ANKRD31: variants seen among roughly 807,000 people sequenced by gnomAD.
ANKRD31 encodes ankyrin repeat domain 31.
ANKRD31 carries 147 observed loss-of-function variants against 186.0 expected under a neutral mutation model. That is an observed-to-expected ratio of 0.79 (90% confidence interval 0.69 to 0.91). The LOEUF (loss-of-function observed/expected upper bound fraction) is 0.91, where lower values mean the gene tolerates loss of function less well. Among genes scored for constraint, ANKRD31 ranks in the 40% least tolerant of loss-of-function variants. The pLI, the probability that ANKRD31 is intolerant of heterozygous loss-of-function variation, is 0.00. For synonymous variants in ANKRD31, 673 were observed against 736.4 expected (o/e 0.91, Z 1.39); for missense variants, 1,986 against 2,148.8 (o/e 0.92, Z 1.50).
At chr5:75,183,293 T>A (rs1408906809) in intron 10 of ANKRD31, among the ~76,000 whole-genome samples, 1 of 152,172 alleles carries the variant, frequency 6.6e-6, no homozygotes, top group Non-Finnish European at 1.5e-5. Flanking sequence ...GCTTTATTTT[T>A]ACCCATAGCT....
chr5:75,103,097 T>C (rs774451804), intron 22 of ANKRD31, among the ~76,000 whole-genome samples: 1 of 152,178 alleles, frequency 6.6e-6, no homozygotes, highest in Non-Finnish European at 1.5e-5. Flanking sequence ...AATTTTTGTA[T>C]AAGGTGTAAG....
intron 22 of ANKRD31, among the ~76,000 whole-genome samples, chr5:75,097,395 T>C (rs1013418683): frequency 6.6e-6 from 1 of 152,258 alleles, no homozygotes; most frequent in African/African-American, 2.4e-5. Flanking sequence ...TTGATTTTCA[T>C]TTCTCTGATG....
intron 23 of ANKRD31, among the ~76,000 whole-genome samples, chr5:75,085,999 C>T (rs1745454641): frequency 6.6e-6 from 1 of 152,172 alleles, no homozygotes; most frequent in African/African-American, 2.4e-5. Flanking sequence ...TCAATCCCTT[C>T]TCACTTGCCA....
intron 5 of ANKRD31, among the ~76,000 whole-genome samples, chr5:75,200,297 C>CTTTT (rs373390533): frequency 4.9e-5 from 7 of 144,112 alleles, no homozygotes; most frequent in East Asian, 2.1e-4. Context: ...TTCTTTCTTT[C>CTTTT]TTTTTTTTTT....
At chr5:75,178,583 C>G in intron 10 of ANKRD31, among the ~76,000 whole-genome samples, 1 of 152,132 alleles carries the variant, frequency 6.6e-6, no homozygotes, top group East Asian at 1.9e-4. Flanking sequence ...AAGAAACTCA[C>G]TCAAAACTGC....
At chr5:75,107,662 A>C in intron 20 of ANKRD31, 45 bp from the exon 21 acceptor site, 2 of 1,236,230 alleles carry the variant, frequency 1.6e-6, no homozygotes, top group East Asian at 2.6e-5. Context: ...GGGAGAGTGA[A>C]TGTCAAATTT....
intron 5 of ANKRD31, among the ~76,000 whole-genome samples, chr5:75,199,878 A>G (rs1388476387): frequency 6.6e-6 from 1 of 152,202 alleles, no homozygotes; most frequent in Non-Finnish European, 1.5e-5. Flanking sequence ...CTTAAAAAAT[A>G]TTTTATATAG....
intron 11 of ANKRD31, among the ~76,000 whole-genome samples, chr5:75,168,635 AT>A (rs1372549539): frequency 6.6e-6 from 1 of 152,140 alleles, no homozygotes; most frequent in Non-Finnish European, 1.5e-5. Flanking sequence ...TAAACCTCCT[AT>A]CAGGACTGGA....
chr5:75,081,221 G>T (rs551336663), intron 24 of ANKRD31, among the ~76,000 whole-genome samples: 1 of 152,254 alleles, frequency 6.6e-6, no homozygotes, highest in Non-Finnish European at 1.5e-5. Flanking sequence ...CAAGAAGCTG[G>T]TTGGCACACT....
intron 11 of ANKRD31, among the ~76,000 whole-genome samples, chr5:75,164,400 T>C (rs893145797): frequency 2.0e-5 from 3 of 152,222 alleles, no homozygotes; most frequent in African/African-American, 7.2e-5. Context: ...TAGCAACAGA[T>C]AACTAATACA....
In ANKRD31 at chr5:75,104,242, C is replaced by A; in HGVS notation, c.5317G>T (p.Glu1773Ter). The change falls in exon 22 of 26, where the codon GAA (glutamate) becomes TAA (stop). Residue 1773 changes from glutamate to a stop codon, truncating the protein, a stop_gained. Coordinates refer to ENST00000506364, the MANE Select transcript of ANKRD31 (RefSeq NM_001372053.1). LOFTEE classifies it high-confidence loss of function. ...GRINPGNNIL[E>*]FKTQETTHKA... ...ATATAGAATACCTGTGTTTTGAATT[C>A]CAGAATGTTATTTCCTGGGTTAATT... is the stretch of plus-strand genomic sequence containing the variant. 1.3e-6 allele frequency: 2 copies of A among 1,504,290 alleles called. No individual in the cohort carries two copies. Among genetic ancestry groups the A allele is most frequent in the Non-Finnish European group, 1.8e-6 (2 of 1,131,296 alleles). 93.2% of individuals were successfully genotyped at this position (1,504,290 alleles called of 1,614,324 possible). A position where few individuals can be genotyped will look rare whatever the true frequency, so the allele number is the denominator to read the frequency against.
chr5:75,161,761 G>A (rs1752585518), intron 11 of ANKRD31, among the ~76,000 whole-genome samples: 1 of 152,196 alleles, frequency 6.6e-6, no homozygotes, highest in Non-Finnish European at 1.5e-5. Flanking sequence ...TTGGTGCCCT[G>A]TGTCCCAGCT....
At chr5:75,199,020 C>A (rs545678554) in intron 6 of ANKRD31, among the ~76,000 whole-genome samples, 39 of 152,052 alleles carry the variant, frequency 2.6e-4, no homozygotes, top group Non-Finnish European at 5.4e-4. Flanking sequence ...GGGTGAGATG[C>A]CAAGACCCAG....
chr5:75,134,826 A>G (rs1330589224), intron 17 of ANKRD31, among the ~76,000 whole-genome samples: 2 of 152,198 alleles, frequency 1.3e-5, no homozygotes, highest in Admixed American at 6.5e-5. Context: ...ACCGTGATCA[A>G]GTGGGCTTCA....
At chr5:75,168,607 C>G (rs1753090880) in intron 11 of ANKRD31, among the ~76,000 whole-genome samples, 1 of 152,034 alleles carries the variant, frequency 6.6e-6, no homozygotes, top group Non-Finnish European at 1.5e-5. Flanking sequence ...GAAAGTGACA[C>G]CAGACTCCAT....
chr5:75,151,200 C>T (rs1039628052), intron 12 of ANKRD31, among the ~76,000 whole-genome samples: 4 of 151,962 alleles, frequency 2.6e-5, no homozygotes, highest in African/African-American at 7.2e-5. Flanking sequence ...ACTACTCTCA[C>T]GACTGGTTGT....
intron 10 of ANKRD31, among the ~76,000 whole-genome samples, chr5:75,179,685 C>T (rs982520541): frequency 6.6e-6 from 1 of 152,152 alleles, no homozygotes; most frequent in African/African-American, 2.4e-5. Flanking sequence ...TTCAACAACC[C>T]TTCATGTTAA....
chr5:75,180,805 T>C (rs1274877862), intron 10 of ANKRD31, among the ~76,000 whole-genome samples: 1 of 152,106 alleles, frequency 6.6e-6, no homozygotes, highest in Non-Finnish European at 1.5e-5. Context: ...GGCAATACCA[T>C]TCAGGACATA....
chr5:75,104,548 C>T lies in ANKRD31; in HGVS notation c.5011G>A (p.Asp1671Asn). 2 of 1,536,684 alleles carry T rather than the reference C, an allele frequency of 1.3e-6. No individual in the cohort carries two copies. Among genetic ancestry groups the T allele is most frequent in the Non-Finnish European group, 1.7e-6 (2 of 1,146,702 alleles). ...IICDQDLSNYDPKRGNRKTSS... is the reference protein window; with the variant it reads ...IICDQDLSNYNPKRGNRKTSS... Reference sequence around the variant, plus strand: ...GTTTTTCTGTTTCCTCTTTTGGGATCATAATTGGAAAGGTCCTGATCACAA... The same window carrying T: ...GTTTTTCTGTTTCCTCTTTTGGGATTATAATTGGAAAGGTCCTGATCACAA... The change falls in exon 22 of 26, where the codon GAT (aspartate) becomes AAT (asparagine). Residue 1671 changes from aspartate to asparagine, a missense_variant. Transcript: ENST00000506364.
Sources: allele counts gnomAD v4.1 joint callset (sites outside exome capture counted in the v4.1 genomes callset), GRCh38; gene constraint gnomAD v4.1.1; transcripts MANE v1.5; gene names NCBI Gene and HGNC (gene_info 2026-07-23, HGNC 2026-07-21).